EYA2: variants seen among roughly 807,000 people sequenced by gnomAD.
EYA2 encodes the protein protein phosphatase EYA2.
EYA2 carries 31 observed loss-of-function variants against 69.2 expected under a neutral mutation model. The ratio of observed to expected loss-of-function variants is 0.45; its 90% CI spans 0.34 to 0.60. The LOEUF (loss-of-function observed/expected upper bound fraction) is 0.60, where lower values mean the gene tolerates loss of function less well. Ranked by LOEUF, EYA2 falls within the 20% of genes least tolerant of loss-of-function variation. EYA2 has a pLI of 0.02. For missense variants in EYA2, 622 were observed against 701.2 expected, an observed-to-expected ratio of 0.89 and a Z score of 1.28; for synonymous variants, 257 against 279.4, an observed-to-expected ratio of 0.92 and a Z score of 0.80.
intron 13 of EYA2, among the ~76,000 whole-genome samples, 180 bp from the exon 14 acceptor site, chr20:47,180,635 C>G (rs974699623): frequency 6.6e-6 from 1 of 152,196 alleles, no homozygotes; most frequent in Non-Finnish European, 1.5e-5. Context: ...CTATGTCAGG[C>G]AGCTTCAGGC....
chr20:46,936,951 A>G (rs1985936676), intron 1 of EYA2, among the ~76,000 whole-genome samples: 1 of 152,208 alleles, frequency 6.6e-6, no homozygotes, highest in Admixed American at 6.5e-5. Context: ...CCTGGAAAGC[A>G]GTTTGGAAAG....
At chr20:46,943,741 G>A (rs1986249917) in intron 1 of EYA2, among the ~76,000 whole-genome samples, 1 of 152,194 alleles carries the variant, frequency 6.6e-6, no homozygotes. Context: ...CAGCCTCCGT[G>A]CTCCCGCCTT....
intron 5 of EYA2, among the ~76,000 whole-genome samples, chr20:47,046,830 G>C (rs1009871152): frequency 3.9e-5 from 6 of 152,118 alleles, no homozygotes; most frequent in African/African-American, 1.4e-4. Flanking sequence ...ATCTGGGAAG[G>C]GTTCTGACAG....
chr20:47,183,341 G>C lies in EYA2; in HGVS notation c.1486G>C (p.Val496Leu). The C allele has an allele frequency of 1.9e-6, 3 of 1,614,144 alleles. No homozygotes were observed. Among genetic ancestry groups the C allele is most frequent in the Non-Finnish European group, 1.7e-6 (2 of 1,180,018 alleles). Residue 496 changes from valine (V) to leucine (L), a missense_variant, in exon 15 of 16, where the codon GTC becomes CTC. By Grantham distance (32) the Val-to-Leu change is conservative (BLOSUM62 1). Around this residue, in one of 2 missense-constraint regions of EYA2, gnomAD observed 257 missense variants for 351.5 expected, o/e 0.73. Transcript: ENST00000327619. Reference protein sequence around the residue: ...RIMQRFGRKAVYVVIGDGVEE... With the variant: ...RIMQRFGRKALYVVIGDGVEE... ...AATGCAGAGATTCGGCAGAAAAGCT[G>C]TCTACGTGGTGATCGGTGATGGTGT...
intron 5 of EYA2, among the ~76,000 whole-genome samples, chr20:47,038,902 G>A (rs371099747): frequency 1.3e-4 from 19 of 151,980 alleles, no homozygotes; most frequent in Non-Finnish European, 2.4e-4. Context: ...GGGGCTTCTC[G>A]AACAGGAGAA....
At chr20:46,927,600 TAA>T (rs1194515653) in intron 1 of EYA2, among the ~76,000 whole-genome samples, 2 of 152,162 alleles carry the variant, frequency 1.3e-5, no homozygotes, top group Admixed American at 6.5e-5. Context: ...AAACCCCTTA[TAA>T]AACTATCAGA....
At chr20:46,942,915 G>GCA in intron 1 of EYA2, among the ~76,000 whole-genome samples, 1 of 152,192 alleles carries the variant, frequency 6.6e-6, no homozygotes, top group African/African-American at 2.4e-5. Context: ...ACAGACACGT[G>GCA]CTACCACGTC....
chr20:47,050,199 G>C (rs551514965), intron 5 of EYA2, among the ~76,000 whole-genome samples: 9 of 152,208 alleles, frequency 5.9e-5, no homozygotes, highest in Non-Finnish European at 8.8e-5. Context: ...AGGTATGCCT[G>C]CCGGAGAGCT....
intron 1 of EYA2, among the ~76,000 whole-genome samples, chr20:46,945,363 T>C: frequency 6.6e-6 from 1 of 152,180 alleles, no homozygotes; most frequent in East Asian, 1.9e-4. Context: ...GACCGATTTT[T>C]AGAAAGCCCA....
chr20:47,174,676 A>G (rs1162188981), intron 12 of EYA2, among the ~76,000 whole-genome samples: 1 of 152,212 alleles, frequency 6.6e-6, no homozygotes, highest in African/African-American at 2.4e-5. Flanking sequence ...CAGTTTTGCC[A>G]CCGTTTTCAT....
At chr20:47,090,136 AG>A (rs1291409803) in intron 8 of EYA2, among the ~76,000 whole-genome samples, 1 of 151,244 alleles carries the variant, frequency 6.6e-6, no homozygotes, top group Non-Finnish European at 1.5e-5. Flanking sequence ...CTATTCCCTG[AG>A]GGTAGAAGCT....
intron 12 of EYA2, among the ~76,000 whole-genome samples, chr20:47,178,442 G>A (rs1312067802): frequency 4.0e-5 from 6 of 151,690 alleles, no homozygotes; most frequent in Non-Finnish European, 7.4e-5. Context: ...AATGAGGTGT[G>A]CAAAGGTCCT....
intron 5 of EYA2, among the ~76,000 whole-genome samples, chr20:47,016,968 C>T (rs2146371583): frequency 6.6e-6 from 1 of 152,282 alleles, no homozygotes; most frequent in Admixed American, 6.5e-5. Flanking sequence ...AAATATTGGA[C>T]AGTCGGGTGA....
chr20:47,006,697 G>A (rs1041005756), intron 4 of EYA2, among the ~76,000 whole-genome samples: 1 of 152,110 alleles, frequency 6.6e-6, no homozygotes, highest in East Asian at 1.9e-4. Context: ...AGCAGAGCGG[G>A]CCCTGTCTTC....
chr20:47,067,942 T>A (rs758358903), intron 5 of EYA2, among the ~76,000 whole-genome samples: 23 of 152,256 alleles, frequency 1.5e-4, no homozygotes, highest in Non-Finnish European at 2.8e-4. Context: ...TGAAAAATGT[T>A]GTGCCATTTC....
At chr20:46,913,276 G>T (rs1010638036) in intron 1 of EYA2, among the ~76,000 whole-genome samples, 1 of 152,204 alleles carries the variant, frequency 6.6e-6, no homozygotes, top group African/African-American at 2.4e-5. Context: ...CCACACAGAA[G>T]CTCTGAGTGG....
At chr20:47,086,481 C>T (rs193239581) in intron 7 of EYA2, among the ~76,000 whole-genome samples, 20 of 151,982 alleles carry the variant, frequency 1.3e-4, no homozygotes, top group African/African-American at 4.4e-4. Context: ...GCAATCATGG[C>T]GGAAGGTAAA....
chr20:46,907,835 A>AAAACAGAC (rs1984438185), intron 1 of EYA2, among the ~76,000 whole-genome samples: 1 of 150,346 alleles, frequency 6.7e-6, no homozygotes, highest in Non-Finnish European at 1.5e-5. Flanking sequence ...ACTCCATCTG[A>AAAACAGAC]AAACAAACAA....
At chr20:47,177,004 G>C (rs992238362) in intron 12 of EYA2, among the ~76,000 whole-genome samples, 12 of 152,026 alleles carry the variant, frequency 7.9e-5, no homozygotes, top group Non-Finnish European at 1.3e-4. Flanking sequence ...CACCACGTTG[G>C]CCAGGCTGAT....
Sources: gnomAD v4.1 joint callset for allele counts (sites outside exome capture counted in the v4.1 genomes callset) on GRCh38, gnomAD v4.1.1 for gene constraint, gnomAD v4.1.1 regional missense constraint, MANE v1.5 for transcripts, NCBI Gene and HGNC (gene_info 2026-07-23, HGNC 2026-07-21) for gene names.